CPNE8: variants seen among roughly 807,000 people sequenced by gnomAD.
CPNE8 encodes the protein copine 8, also known as copine-8.
Under a neutral mutation model 81.5 loss-of-function variants are expected in CPNE8, and 45 were observed. The observed-to-expected ratio is 0.55, with a 90% CI of 0.44 to 0.71. The LOEUF (loss-of-function observed/expected upper bound fraction) is 0.71. Among genes scored for constraint, CPNE8 ranks in the 30% least tolerant of loss-of-function variants. CPNE8 has a pLI of 0.00. For synonymous variants in CPNE8, 252 were observed against 226.3 expected, an observed-to-expected ratio of 1.11 and a Z score of -1.02; for missense variants, 594 against 672.1, an observed-to-expected ratio of 0.88 and a Z score of 1.28.
chr12:38,865,485 G>A (rs1285788034), intron 3 of CPNE8, among the ~76,000 whole-genome samples: 1 of 152,182 alleles, frequency 6.6e-6, no homozygotes, highest in Middle Eastern at 3.2e-3. Context: ...GGCATGGATA[G>A]AGCTCACTGA....
chr12:38,862,901 G>A (rs1592143255), intron 3 of CPNE8, among the ~76,000 whole-genome samples: 2 of 152,082 alleles, frequency 1.3e-5, no homozygotes, highest in Middle Eastern at 3.4e-3. Context: ...GTGAGCCAAG[G>A]TCATGCAACT....
At chr12:38,684,602 G>A (rs552604421) in intron 16 of CPNE8, among the ~76,000 whole-genome samples, 7 of 152,176 alleles carry the variant, frequency 4.6e-5, no homozygotes, top group South Asian at 2.1e-4. Context: ...CATTTTGTCC[G>A]TGTCCCAGAT....
At chr12:38,712,443 G>C (rs12425524) in intron 13 of CPNE8, among the ~76,000 whole-genome samples, 1 of 151,994 alleles carries the variant, frequency 6.6e-6, no homozygotes, top group Admixed American at 6.6e-5. Context: ...ACACTCCTGG[G>C]CTCAAAAGAT....
intron 4 of CPNE8, among the ~76,000 whole-genome samples, chr12:38,843,751 A>G (rs528157228): frequency 1.3e-5 from 2 of 152,220 alleles, no homozygotes; most frequent in South Asian, 4.2e-4. Flanking sequence ...TGATTCCCAC[A>G]TAAGGTCTGG....
At chr12:38,742,735 A>C (rs7976054) in intron 10 of CPNE8, among the ~76,000 whole-genome samples, 121,425 of 150,692 alleles carry the variant, frequency 0.81, 51,899 homozygotes, top group Middle Eastern at 0.97. Context: ...CATAGGAAGA[A>C]TGGCACATCA....
intron 16 of CPNE8, among the ~76,000 whole-genome samples, chr12:38,684,059 G>T (rs11169100): frequency 0.33 from 49,750 of 151,886 alleles, 9,874 homozygotes; most frequent in Non-Finnish European, 0.45. Context: ...TCATACAAAA[G>T]AATTCTTGTC....
At chr12:38,654,185 A>C (rs1938767332) in intron 19 of CPNE8, 115 bp from the exon 20 acceptor site, 5 of 1,297,532 alleles carry the variant, frequency 3.9e-6, no homozygotes, top group Non-Finnish European at 5.1e-6. Flanking sequence ...ATCTGAGAGT[A>C]ATGGAGAGAT....
At chr12:38,739,567 G>A (rs911988239) in intron 10 of CPNE8, among the ~76,000 whole-genome samples, 1 of 152,114 alleles carries the variant, frequency 6.6e-6, no homozygotes, top group African/African-American at 2.4e-5. Flanking sequence ...CAAAAATAAT[G>A]TCTGGCTGTT....
chr12:38,765,063 G>T (rs1368262704), intron 8 of CPNE8, among the ~76,000 whole-genome samples: 1 of 152,192 alleles, frequency 6.6e-6, no homozygotes, highest in African/African-American at 2.4e-5. Flanking sequence ...CATTTCCTCT[G>T]AGGGAAGGCA....
intron 10 of CPNE8, among the ~76,000 whole-genome samples, chr12:38,751,589 A>C (rs1941354012): frequency 6.6e-6 from 1 of 152,246 alleles, no homozygotes; most frequent in Non-Finnish European, 1.5e-5. Context: ...GAATGTTGAT[A>C]CTACATTATG....
chr12:38,790,160 T>G (rs950727011), intron 6 of CPNE8, among the ~76,000 whole-genome samples: 1 of 151,768 alleles, frequency 6.6e-6, no homozygotes, highest in African/African-American at 2.4e-5. Flanking sequence ...CTGCACCCCA[T>G]GTTTGTTGCA....
At chr12:38,796,107 A>G (rs1225686042) in intron 6 of CPNE8, among the ~76,000 whole-genome samples, 4 of 152,038 alleles carry the variant, frequency 2.6e-5, no homozygotes, top group African/African-American at 7.2e-5. Context: ...CACAAATATA[A>G]CATGGCCATC....
At chr12:38,708,546 T>C (rs1483981969) in intron 13 of CPNE8, among the ~76,000 whole-genome samples, 1 of 152,218 alleles carries the variant, frequency 6.6e-6, no homozygotes, top group Non-Finnish European at 1.5e-5. Flanking sequence ...AGCAGCATTA[T>C]ATTTTAGAAT....
intron 10 of CPNE8, among the ~76,000 whole-genome samples, chr12:38,756,428 A>G (rs550184436): frequency 4.6e-4 from 69 of 149,950 alleles, no homozygotes; most frequent in African/African-American, 1.2e-3. Flanking sequence ...ATCATTGCTG[A>G]CTGAAGCCTC....
chr12:38,890,018 C>A (rs963159774), intron 1 of CPNE8, among the ~76,000 whole-genome samples: 54 of 152,214 alleles, frequency 3.5e-4, no homozygotes, highest in Non-Finnish European at 1.3e-4. Context: ...TTAGACCATG[C>A]TGCCAAAATG....
intron 4 of CPNE8, among the ~76,000 whole-genome samples, chr12:38,841,563 C>T (rs935029502): frequency 6.6e-5 from 10 of 152,116 alleles, no homozygotes; most frequent in African/African-American, 1.2e-4. Context: ...TGGACAATGG[C>T]GTGGTGGTCT....
At chr12:38,883,494 T>C (rs918497910) in intron 1 of CPNE8, among the ~76,000 whole-genome samples, 3 of 152,226 alleles carry the variant, frequency 2.0e-5, no homozygotes, top group African/African-American at 7.2e-5. Context: ...TAAAAGCTTT[T>C]TAAATTAATA....
At chr12:38,895,591 G>T (rs150001558) in intron 1 of CPNE8, among the ~76,000 whole-genome samples, 64 of 152,148 alleles carry the variant, frequency 4.2e-4, no homozygotes, top group Admixed American at 9.2e-4. Flanking sequence ...CATGGTTAAA[G>T]TTTATGCCAC....
chr12:38,894,662 T>A (rs1253400619), intron 1 of CPNE8, among the ~76,000 whole-genome samples: 10 of 6,502 alleles, frequency 1.5e-3, no homozygotes. Context: ...CAGCTCACTC[T>A]CTCTCTCTCT....
Sources: allele counts gnomAD v4.1 joint callset (sites outside exome capture counted in the v4.1 genomes callset), GRCh38; gene constraint gnomAD v4.1.1; transcripts MANE v1.5; gene names NCBI Gene and HGNC (gene_info 2026-07-23, HGNC 2026-07-21).